ADGRB3: variants seen among roughly 807,000 people sequenced by gnomAD.
ADGRB3 encodes brain-specific angiogenesis inhibitor 3.
In ADGRB3, 37 loss-of-function variants were observed where a neutral mutation model predicts 193.4. The observed-to-expected ratio is 0.19, with a 90% CI of 0.15 to 0.25. ADGRB3 has a LOEUF of 0.25. Among genes scored for constraint, ADGRB3 ranks in the 10% least tolerant of loss-of-function variants. The pLI, the probability that ADGRB3 is intolerant of heterozygous loss-of-function variation, is 1.00. For synonymous variants in ADGRB3, 690 were observed against 644.2 expected (o/e 1.07, Z -1.08); for missense variants, 1,637 against 1,852.9 (o/e 0.88, Z 2.14).
chr6:69,316,524 G>A lies in ADGRB3; in HGVS notation c.2815-8348G>A, dbSNP rs551886281. ...TTAAAAAGTGAATAGCCTGATGAGG[G>A]CTTTAATTAGAGAATTCTTGTTATT... is the stretch of plus-strand genomic sequence containing the variant. On this transcript the variant is annotated intron_variant, in intron 20 of 31. Transcript: ENST00000370598. Among the ~76,000 whole-genome samples, 4 of 151,468 alleles carry A rather than the reference G, an allele frequency of 2.6e-5. No homozygotes were observed. The South Asian group carries it at 6.2e-4, about 24-fold the overall frequency.
chr6:69,077,982 T>C (rs1223283469), intron 17 of ADGRB3, among the ~76,000 whole-genome samples: 4 of 152,038 alleles, frequency 2.6e-5, no homozygotes, highest in Non-Finnish European at 4.4e-5. Flanking sequence ...AAGGCAACTT[T>C]ATTTCCTTTC....
chr6:68,981,392 CAAACTT>C (rs1768905454), intron 10 of ADGRB3, among the ~76,000 whole-genome samples: 1 of 151,600 alleles, frequency 6.6e-6, no homozygotes, highest in Admixed American at 6.6e-5. Context: ...GGGAAACAAA[CAAACTT>C]GGAAGGGAGG....
chr6:69,026,310 C>T (rs1210603185), intron 13 of ADGRB3, among the ~76,000 whole-genome samples: 6 of 152,152 alleles, frequency 3.9e-5, no homozygotes, highest in South Asian at 2.1e-4. Context: ...ATCTGCAAAG[C>T]GGTATTTGAA....
intron 3 of ADGRB3, among the ~76,000 whole-genome samples, chr6:68,868,952 T>TGTGTG (rs1562064133): frequency 8.7e-6 from 1 of 114,444 alleles, no homozygotes; most frequent in Non-Finnish European, 2.0e-5. Flanking sequence ...AGTGTGTGTG[T>TGTGTG]TTAAACTTAA....
rs143352628 is a variant in ADGRB3 at position 69,293,044 on chromosome 6, A to G, written c.2815-31828A>G. 1.0e-3 allele frequency among the ~76,000 whole-genome samples: 157 copies of G among 152,208 alleles called. 1 individual carries two copies. Among genetic ancestry groups the G allele is most frequent in the East Asian group, 5.2e-3 (27 of 5,172 alleles). Reference sequence around the variant, plus strand: ...CCTGGCAGCTCCCCACCATGGGTCTATCTCCTACTGCATGGCTCCAGCTGC... The same window carrying G: ...CCTGGCAGCTCCCCACCATGGGTCTGTCTCCTACTGCATGGCTCCAGCTGC... On this transcript the variant is annotated intron_variant, in intron 20 of 31. Transcript: ENST00000370598.
At chr6:69,035,422 C>T (rs1770840225) in intron 13 of ADGRB3, among the ~76,000 whole-genome samples, 1 of 151,990 alleles carries the variant, frequency 6.6e-6, no homozygotes, top group Admixed American at 6.6e-5. Flanking sequence ...GATCCATAAA[C>T]AAGCCAGGAC....
intron 3 of ADGRB3, among the ~76,000 whole-genome samples, chr6:68,643,343 T>C (rs893893304): frequency 6.6e-6 from 1 of 152,044 alleles, no homozygotes; most frequent in African/African-American, 2.4e-5. Flanking sequence ...TCTATGTCAG[T>C]TTAATTGTCC....
intron 17 of ADGRB3, among the ~76,000 whole-genome samples, chr6:69,081,259 T>C (rs182357618): frequency 6.6e-6 from 1 of 151,832 alleles, no homozygotes; most frequent in Non-Finnish European, 1.5e-5. Context: ...ATATTCACAC[T>C]GAAAATACTG....
At chr6:69,155,330 G>T (rs146736685) in intron 17 of ADGRB3, among the ~76,000 whole-genome samples, 1 of 152,046 alleles carries the variant, frequency 6.6e-6, no homozygotes, top group Non-Finnish European at 1.5e-5. Flanking sequence ...CTACATTTTG[G>T]TATAGGCCAC....
At chr6:68,925,657 G>A (rs575115835) in intron 3 of ADGRB3, among the ~76,000 whole-genome samples, 1 of 151,934 alleles carries the variant, frequency 6.6e-6, no homozygotes, top group Non-Finnish European at 1.5e-5. Context: ...TCTCTTTGGA[G>A]ACAAATTAGC....
intron 20 of ADGRB3, among the ~76,000 whole-genome samples, chr6:69,290,038 G>T (rs1767635636): frequency 6.6e-6 from 1 of 151,952 alleles, no homozygotes; most frequent in Non-Finnish European, 1.5e-5. Context: ...CACACCTCAG[G>T]ACCAGAATTG....
chr6:69,289,736 C>T (rs1435794491), intron 20 of ADGRB3, among the ~76,000 whole-genome samples: 1 of 152,058 alleles, frequency 6.6e-6, no homozygotes, highest in East Asian at 1.9e-4. Context: ...CCACTACAGA[C>T]AGGTGCCTAA....
chr6:68,662,827 T>C (rs1161926836), intron 3 of ADGRB3, among the ~76,000 whole-genome samples: 1 of 151,278 alleles, frequency 6.6e-6, no homozygotes, highest in Non-Finnish European at 1.5e-5. Flanking sequence ...ATTTGACAAA[T>C]TAACTACAAA....
intron 20 of ADGRB3, among the ~76,000 whole-genome samples, chr6:69,260,371 T>C (rs1766897881): frequency 6.6e-6 from 1 of 152,296 alleles, no homozygotes; most frequent in African/African-American, 2.4e-5. Flanking sequence ...CTGCTGTAAG[T>C]GTATTTACAT....
At chr6:69,238,816 T>G (rs573142993) in intron 19 of ADGRB3, among the ~76,000 whole-genome samples, 1 of 151,928 alleles carries the variant, frequency 6.6e-6, no homozygotes, top group South Asian at 2.1e-4. Context: ...TTTATATGTT[T>G]AGTTAAAAAA....
Position 69,330,493 on chromosome 6 carries a change from A to C in ADGRB3, c.3036-13A>C. Reference sequence around the variant, plus strand: ...ACTAATTTTTGTTAGTTCTTATCTAATGTCATTTTCAGCTGCTGGCTCTCT... The same window carrying C: ...ACTAATTTTTGTTAGTTCTTATCTACTGTCATTTTCAGCTGCTGGCTCTCT... On this transcript the variant is annotated splice_polypyrimidine_tract_variant and intron_variant, in intron 22 of 31. Coordinates refer to ENST00000370598, the MANE Select transcript of ADGRB3 (RefSeq NM_001704.3). The C allele has an allele frequency of 1.9e-6, 3 of 1,599,520 alleles. No individual in the cohort carries two copies. Among genetic ancestry groups the C allele is most frequent in the Non-Finnish European group, 2.6e-6 (3 of 1,171,924 alleles).
chr6:68,931,015 T>C (rs760616597), intron 4 of ADGRB3, among the ~76,000 whole-genome samples: 5 of 152,040 alleles, frequency 3.3e-5, no homozygotes, highest in Admixed American at 2.0e-4. Context: ...ATTAGAACTT[T>C]AAATGACTCT....
At chr6:69,042,152 T>A (rs561161632) in intron 13 of ADGRB3, among the ~76,000 whole-genome samples, 53 of 152,308 alleles carry the variant, frequency 3.5e-4, no homozygotes, top group South Asian at 6.2e-4. Flanking sequence ...GACATGCATG[T>A]TTGCTTCCCT....
At chr6:68,653,511 T>C (rs1768420418) in intron 3 of ADGRB3, among the ~76,000 whole-genome samples, 1 of 152,086 alleles carries the variant, frequency 6.6e-6, no homozygotes, top group South Asian at 2.1e-4. Flanking sequence ...CTGAGGTAGC[T>C]GCATATATTA....
Sources: gnomAD v4.1 joint callset for allele counts (sites outside exome capture counted in the v4.1 genomes callset) on GRCh38, gnomAD v4.1.1 for gene constraint, MANE v1.5 for transcripts, NCBI Gene and HGNC (gene_info 2026-07-23, HGNC 2026-07-21) for gene names.